The following SH3BGRL2 variants were observed in gnomAD, a reference collection of about 807,000 sequenced individuals.
The protein encoded by SH3BGRL2 is SH3 domain-binding glutamic acid-rich-like protein 2.
In SH3BGRL2, 21 loss-of-function variants were observed where a neutral mutation model predicts 14.8. The ratio of observed to expected loss-of-function variants is 1.42; its 90% CI spans 1.01 to 2.05. The LOEUF is 2.05. Among genes scored for constraint, SH3BGRL2 ranks in the 30% most tolerant of loss-of-function variants. The pLI is 0.00. For synonymous variants in SH3BGRL2, 50 were observed against 47.8 expected (o/e 1.05, Z -0.19); for missense variants, 147 against 130.8 (o/e 1.12, Z -0.61).
chr6:79,629,437 T>TG (rs202054494), upstream of SH3BGRL2, among the ~76,000 whole-genome samples: 1,335 of 149,310 alleles, frequency 8.9e-3, 20 homozygotes, highest in African/African-American at 0.031. Flanking sequence ...GTACAGGGCT[T>TG]GGGGGACCCT....
At chr6:79,598,815 G>T in the SH3BGRL2 span, among the ~76,000 whole-genome samples, 2 of 152,088 alleles carry the variant, frequency 1.3e-5, no homozygotes, top group African/African-American at 4.8e-5. Context: ...GGGCGCGGTG[G>T]CTCATGCGTG....
In SH3BGRL2 at chr6:79,667,447, G is replaced by GTT. The variant is rs58887010; in HGVS notation, c.46-6155_46-6154dup. Among the ~76,000 whole-genome samples, 583 of 146,816 alleles carry GTT rather than the reference G, an allele frequency of 4.0e-3. 1 individual carries two copies. Among genetic ancestry groups the GTT allele is most frequent in the African/African-American group, 7.1e-3 (285 of 39,994 alleles). Reference sequence around the variant, plus strand: ...ATGTAAGGAGGTAGCTTTAGGCTAAGTTTTTTTTTTTTTAATTGAGACAGA... The same window carrying GTT: ...ATGTAAGGAGGTAGCTTTAGGCTAAGTTTTTTTTTTTTTTTAATTGAGACAGA... On this transcript the variant is annotated intron_variant, in intron 1 of 3. Coordinates refer to ENST00000369838, the MANE Select transcript of SH3BGRL2 (RefSeq NM_031469.4).
upstream of SH3BGRL2, among the ~76,000 whole-genome samples, chr6:79,626,741 T>C (rs1036054444): frequency 1.3e-5 from 2 of 152,264 alleles, no homozygotes; most frequent in Admixed American, 6.5e-5. Context: ...AAAACCAGAA[T>C]ACTTCAGCTA....
chr6:79,695,136 A>ACTTTG (rs1770305753), intron 2 of SH3BGRL2, among the ~76,000 whole-genome samples: 2 of 152,196 alleles, frequency 1.3e-5, no homozygotes, highest in South Asian at 4.1e-4. Context: ...CCAGTCCTTC[A>ACTTTG]CTTGGCTAAC....
intron 2 of SH3BGRL2, among the ~76,000 whole-genome samples, chr6:79,683,440 C>G (rs931320773): frequency 1.3e-5 from 2 of 151,848 alleles, no homozygotes; most frequent in African/African-American, 2.4e-5. Context: ...TGTTTTCCAA[C>G]CTTTAGAAAT....
chr6:79,694,799 T>C (rs1770296661), intron 2 of SH3BGRL2, among the ~76,000 whole-genome samples: 1 of 152,168 alleles, frequency 6.6e-6, no homozygotes, highest in Non-Finnish European at 1.5e-5. Context: ...CCAAAATGTA[T>C]CTGCAGCCTG....
the SH3BGRL2 span, among the ~76,000 whole-genome samples, chr6:79,589,728 A>T: frequency 3.9e-5 from 6 of 152,106 alleles, no homozygotes; most frequent in East Asian, 7.7e-4. Context: ...AGAGTGGAAT[A>T]AAAAAAACTA....
At chr6:79,566,671 A>G in the SH3BGRL2 span, among the ~76,000 whole-genome samples, 1 of 152,156 alleles carries the variant, frequency 6.6e-6, no homozygotes, top group Non-Finnish European at 1.5e-5. Flanking sequence ...CGGGTACATA[A>G]AAATCACTTA....
At position 79,703,446 on chromosome 6, in the gene SH3BGRL2, A is replaced by G. The variant is rs1582746304; in HGVS notation, c.*3937A>G. ...ATGCTAAAGTATAAAGAGTAATAAT[A>G]ATGACAATAAACAAACCCCTGTGTG... On this transcript the variant is annotated 3_prime_UTR_variant, in exon 4 of 4. Transcript: ENST00000369838. 1 of 152,162 alleles carries G rather than the reference A, an allele frequency of 6.6e-6. No homozygotes were observed. The highest frequency in any genetic ancestry group is 2.4e-5 in the African/African-American group (1 of 41,444). The allele number at this position is 152,162 out of a possible 1,614,324, so 9.4% of individuals were successfully genotyped here.
chr6:79,601,471 C>T, the SH3BGRL2 span, among the ~76,000 whole-genome samples: 1 of 152,232 alleles, frequency 6.6e-6, no homozygotes, highest in Non-Finnish European at 1.5e-5. Context: ...GCTGTGATTA[C>T]AGGCGTGAGC....
chr6:79,571,795 A>T, the SH3BGRL2 span, among the ~76,000 whole-genome samples: 1 of 152,114 alleles, frequency 6.6e-6, no homozygotes, highest in Non-Finnish European at 1.5e-5. Flanking sequence ...ATACTTCTAA[A>T]CTTATATACT....
At chr6:79,640,748 G>A (rs796207887) in intron 1 of SH3BGRL2, among the ~76,000 whole-genome samples, 4 of 152,184 alleles carry the variant, frequency 2.6e-5, no homozygotes, top group Non-Finnish European at 5.9e-5. Context: ...GACAGGGAAC[G>A]TTGGGTGCGA....
At chr6:79,563,237 A>G in the SH3BGRL2 span, among the ~76,000 whole-genome samples, 1 of 149,506 alleles carries the variant, frequency 6.7e-6, no homozygotes, top group African/African-American at 2.5e-5. Flanking sequence ...TCGGCCTCCC[A>G]AAGTGCTGGG....
the SH3BGRL2 span, among the ~76,000 whole-genome samples, chr6:79,606,454 A>G: frequency 6.6e-6 from 1 of 152,222 alleles, no homozygotes; most frequent in Admixed American, 6.5e-5. Context: ...TTCTCGTACT[A>G]TGGTGAACAC....
upstream of SH3BGRL2, among the ~76,000 whole-genome samples, chr6:79,630,967 G>T (rs2127721108): frequency 1.3e-5 from 2 of 152,286 alleles, no homozygotes; most frequent in South Asian, 4.1e-4. Context: ...CAGCACGATC[G>T]TGTCTGTTGG....
At chr6:79,587,986 G>A in the SH3BGRL2 span, among the ~76,000 whole-genome samples, 2 of 151,136 alleles carry the variant, frequency 1.3e-5, no homozygotes, top group African/African-American at 4.8e-5. Flanking sequence ...GACAAGCCTG[G>A]CCAACATGGC....
At chr6:79,694,227 C>T (rs958857476) in intron 2 of SH3BGRL2, among the ~76,000 whole-genome samples, 11 of 152,142 alleles carry the variant, frequency 7.2e-5, no homozygotes, top group African/African-American at 2.4e-4. Flanking sequence ...ATAGAGAGAA[C>T]AGGTATACTA....
the SH3BGRL2 span, among the ~76,000 whole-genome samples, chr6:79,568,811 G>A: frequency 0.13 from 19,629 of 152,052 alleles, 1,432 homozygotes; most frequent in African/African-American, 0.17. Flanking sequence ...TGGTAGGTGG[G>A]AGCAGGCTTA....
chr6:79,645,427 T>C (rs1309049899), intron 1 of SH3BGRL2, among the ~76,000 whole-genome samples: 1 of 152,194 alleles, frequency 6.6e-6, no homozygotes. Flanking sequence ...CTCACTCCAT[T>C]GTGGTATCAT....
Sources: allele counts gnomAD v4.1 joint callset (sites outside exome capture counted in the v4.1 genomes callset), GRCh38; gene constraint gnomAD v4.1.1; transcripts MANE v1.5; gene names NCBI Gene and HGNC (gene_info 2026-07-23, HGNC 2026-07-21).